Variants in TNFSF4 observed in about 807,000 individuals in gnomAD.
TNFSF4 encodes the protein TNF superfamily member 4.
A neutral mutation model predicts 7.3 loss-of-function variants in TNFSF4; 4 were observed. The observed-to-expected ratio is 0.55, with a 90% CI of 0.27 to 1.25. The LOEUF (loss-of-function observed/expected upper bound fraction) is 1.25. TNFSF4 is among the 50% of genes most tolerant of loss of function. The pLI is 0.12. For missense variants in TNFSF4, 181 were observed against 208.8 expected, an observed-to-expected ratio of 0.87 and a Z score of 0.82; for synonymous variants, 76 against 83.7, an observed-to-expected ratio of 0.91 and a Z score of 0.50.
At chr1:173,340,940 A>G in the TNFSF4 span, among the ~76,000 whole-genome samples, 11 of 152,162 alleles carry the variant, frequency 7.2e-5, no homozygotes, top group African/African-American at 2.7e-4. Flanking sequence ...GAGGAACTCG[A>G]TGGGAGGTAA....
chr1:173,182,608 T>C (rs149538248), downstream of TNFSF4, among the ~76,000 whole-genome samples: 261 of 152,340 alleles, frequency 1.7e-3, 2 homozygotes, highest in African/African-American at 5.7e-3. Context: ...TTTATATAAA[T>C]GGCTAATACG....
the TNFSF4 span, among the ~76,000 whole-genome samples, chr1:173,281,999 G>A: frequency 4.0e-3 from 608 of 152,208 alleles, 5 homozygotes; most frequent in African/African-American, 0.014. Context: ...TTTTTTCAAA[G>A]TTGATCTCAT....
the TNFSF4 span, among the ~76,000 whole-genome samples, chr1:173,331,769 A>G: frequency 6.6e-6 from 1 of 152,220 alleles, no homozygotes; most frequent in Admixed American, 6.5e-5. Context: ...CCAGCTGTGT[A>G]AAATAGAGAA....
At chr1:173,252,375 C>A in the TNFSF4 span, among the ~76,000 whole-genome samples, 1 of 152,112 alleles carries the variant, frequency 6.6e-6, no homozygotes, top group African/African-American at 2.4e-5. Context: ...TCATACAAAT[C>A]TAATCAGAGA....
At chr1:173,240,395 TA>T in the TNFSF4 span, among the ~76,000 whole-genome samples, 1 of 152,234 alleles carries the variant, frequency 6.6e-6, no homozygotes, top group African/African-American at 2.4e-5. Flanking sequence ...TTTTAAAATA[TA>T]TGGCATGTTT....
rs199827181 is a variant in TNFSF4, at chr1:173,202,058, C to CAT, written c.153+4964_153+4965dup. Among the ~76,000 whole-genome samples the CAT allele has an allele frequency of 4.4e-3, 656 of 149,064 alleles. 10 individuals are homozygous for CAT. Among genetic ancestry groups the CAT allele is most frequent in the South Asian group, 0.026 (124 of 4,728 alleles). On this transcript the variant is annotated intron_variant, in intron 1 of 2. Transcript: ENST00000281834. ...GAGAAGTAATTGCTATATATATATA[C>CAT]ATATATATATATACACACACACATA...
chr1:173,374,621 C>T, the TNFSF4 span, among the ~76,000 whole-genome samples: 1 of 152,186 alleles, frequency 6.6e-6, no homozygotes, highest in East Asian at 1.9e-4. Flanking sequence ...AGGAAAAACC[C>T]CTTCCGACTT....
the TNFSF4 span, among the ~76,000 whole-genome samples, chr1:173,442,545 GTTTTTGTTTTTTT>G: frequency 3.4e-4 from 32 of 93,450 alleles, no homozygotes; most frequent in Non-Finnish European, 6.6e-4. Context: ...TTTCGTTTTT[GTTTTTGTTTTTTT>G]TTTTTTTTTG....
the TNFSF4 span, among the ~76,000 whole-genome samples, chr1:173,225,007 C>T: frequency 6.6e-6 from 1 of 152,114 alleles, no homozygotes; most frequent in Non-Finnish European, 1.5e-5. Context: ...TGCCACAGTG[C>T]TTTTTTATTA....
At chr1:173,358,948 T>C in the TNFSF4 span, among the ~76,000 whole-genome samples, 1 of 152,226 alleles carries the variant, frequency 6.6e-6, no homozygotes, top group Non-Finnish European at 1.5e-5. Flanking sequence ...GGCACCTGGC[T>C]TACATGGTGT....
the TNFSF4 span, among the ~76,000 whole-genome samples, chr1:173,260,826 C>T: frequency 6.6e-6 from 1 of 152,092 alleles, no homozygotes; most frequent in Admixed American, 6.5e-5. Flanking sequence ...TAGGAGCACC[C>T]AGATTCATAA....
At chr1:173,442,770 C>T in the TNFSF4 span, among the ~76,000 whole-genome samples, 7 of 151,880 alleles carry the variant, frequency 4.6e-5, no homozygotes, top group Admixed American at 1.3e-4. Context: ...AGGCTGGTCT[C>T]GAACTCCTGA....
chr1:173,227,853 T>C, the TNFSF4 span, among the ~76,000 whole-genome samples: 92 of 152,196 alleles, frequency 6.0e-4, no homozygotes, highest in Non-Finnish European at 1.1e-3. Context: ...CACAGCAGTC[T>C]GAGATCAAAC....
the TNFSF4 span, among the ~76,000 whole-genome samples, chr1:173,267,144 A>G: frequency 1.3e-5 from 2 of 152,152 alleles, no homozygotes; most frequent in African/African-American, 2.4e-5. Context: ...TGTATTATTA[A>G]TCAACTATTC....
chr1:173,415,181 T>C, the TNFSF4 span, among the ~76,000 whole-genome samples: 1 of 152,258 alleles, frequency 6.6e-6, no homozygotes, highest in Non-Finnish European at 1.5e-5. Context: ...TGTTCGTTGC[T>C]GTTTTTCACA....
chr1:173,289,047 G>C, the TNFSF4 span, among the ~76,000 whole-genome samples: 1 of 152,042 alleles, frequency 6.6e-6, no homozygotes, highest in Admixed American at 6.6e-5. Context: ...GAGACCAATT[G>C]TCTCACTAAG....
the TNFSF4 span, among the ~76,000 whole-genome samples, chr1:173,427,734 G>A: frequency 6.6e-6 from 1 of 152,060 alleles, no homozygotes; most frequent in South Asian, 2.1e-4. Flanking sequence ...TACACAACCT[G>A]GATGGTATAA....
the TNFSF4 span, among the ~76,000 whole-genome samples, chr1:173,267,084 G>C: frequency 1.6e-4 from 25 of 152,208 alleles, 1 homozygote; most frequent in South Asian, 5.2e-3. Context: ...TTACCTGATT[G>C]TATCCACAAG....
chr1:173,202,888 C>T (rs1329039013), intron 1 of TNFSF4, among the ~76,000 whole-genome samples: 3 of 152,148 alleles, frequency 2.0e-5, no homozygotes, highest in South Asian at 4.1e-4. Context: ...TATCCTCCTC[C>T]TTCTAGTATT....
Sources: gnomAD v4.1 joint callset for allele counts (sites outside exome capture counted in the v4.1 genomes callset) on GRCh38, gnomAD v4.1.1 for gene constraint, MANE v1.5 for transcripts, NCBI Gene and HGNC (gene_info 2026-07-23, HGNC 2026-07-21) for gene names.